Variants in KCNIP4 observed in about 807,000 individuals in gnomAD.
KCNIP4 encodes potassium voltage-gated channel interacting protein 4, also known as Kv channel-interacting protein 4.
Under a neutral mutation model 34.0 loss-of-function variants are expected in KCNIP4, and 12 were observed. That is an observed-to-expected ratio of 0.35 (90% CI 0.23 to 0.57). KCNIP4 has a LOEUF of 0.57. KCNIP4 is among the 20% of genes least tolerant of loss of function. The pLI is 0.83. For synonymous variants in KCNIP4, 124 were observed against 102.2 expected (o/e 1.21, Z -1.29); for missense variants, 238 against 311.7 (o/e 0.76, Z 1.78).
chr4:21,836,112 T>A (rs545932055), intron 1 of KCNIP4, among the ~76,000 whole-genome samples: 1 of 152,324 alleles, frequency 6.6e-6, no homozygotes, highest in South Asian at 2.1e-4. Context: ...ACCCCTAAAT[T>A]ACCTGCAATG....
intron 1 of KCNIP4, among the ~76,000 whole-genome samples, chr4:21,559,386 T>A (rs1406287826): frequency 6.6e-6 from 1 of 152,254 alleles, no homozygotes; most frequent in East Asian, 1.9e-4. Context: ...AGACCCCCCA[T>A]TTGTCAAGCT....
chr4:20,986,427 AT>A, intron 1 of KCNIP4, among the ~76,000 whole-genome samples: 1 of 152,308 alleles, frequency 6.6e-6, no homozygotes, highest in East Asian at 1.9e-4. Flanking sequence ...AGGAAAAAAA[AT>A]ATTTTAGGTA....
At chr4:20,797,018 G>T (rs555852501) in intron 3 of KCNIP4, among the ~76,000 whole-genome samples, 1 of 152,296 alleles carries the variant, frequency 6.6e-6, no homozygotes, top group South Asian at 2.1e-4. Context: ...AACTGACTCT[G>T]TGTTGTGTAA....
intron 3 of KCNIP4, among the ~76,000 whole-genome samples, chr4:20,823,138 T>A (rs1717318581): frequency 6.6e-6 from 1 of 151,982 alleles, no homozygotes; most frequent in African/African-American, 2.4e-5. Flanking sequence ...ACAATAGAAA[T>A]AAATTATGGT....
chr4:20,935,557 C>A (rs973864397), intron 1 of KCNIP4, among the ~76,000 whole-genome samples: 6 of 152,146 alleles, frequency 3.9e-5, no homozygotes, highest in Non-Finnish European at 8.8e-5. Context: ...AAGTTTTCCA[C>A]CCCAATTCTC....
intron 1 of KCNIP4, among the ~76,000 whole-genome samples, chr4:21,534,521 C>T (rs531253455): frequency 2.0e-5 from 3 of 152,108 alleles, no homozygotes; most frequent in Non-Finnish European, 2.9e-5. Flanking sequence ...GTGATAGTGC[C>T]CATATTGAAA....
At chr4:21,532,829 T>G (rs2108981311) in intron 1 of KCNIP4, among the ~76,000 whole-genome samples, 1 of 152,198 alleles carries the variant, frequency 6.6e-6, no homozygotes, top group African/African-American at 2.4e-5. Flanking sequence ...GGATGCATTC[T>G]ACTTAACCTT....
At chr4:21,853,306 T>G (rs1431519734) in intron 1 of KCNIP4, 1 of 152,150 alleles carries the variant, frequency 6.6e-6, no homozygotes, top group Non-Finnish European at 1.5e-5. Context: ...GTCAATCACT[T>G]TCAAAGCAGT....
intron 1 of KCNIP4, among the ~76,000 whole-genome samples, chr4:21,917,285 C>T (rs1728683599): frequency 1.3e-5 from 2 of 152,072 alleles, no homozygotes; most frequent in South Asian, 4.2e-4. Flanking sequence ...CAGGCATACA[C>T]CGCCACACCC....
At chr4:21,730,609 G>A (rs1032351844) in intron 1 of KCNIP4, among the ~76,000 whole-genome samples, 2 of 152,136 alleles carry the variant, frequency 1.3e-5, no homozygotes, top group Non-Finnish European at 2.9e-5. Context: ...TAAGTTTCAT[G>A]AGGGAAAAAA....
At chr4:21,046,351 A>G (rs527715068) in intron 1 of KCNIP4, among the ~76,000 whole-genome samples, 1 of 152,344 alleles carries the variant, frequency 6.6e-6, no homozygotes, top group South Asian at 2.1e-4. Flanking sequence ...TTGAGTCCTT[A>G]GTATTTTGCT....
chr4:21,178,815 C>CTT lies in KCNIP4; in HGVS notation c.62-296108_62-296107dup, dbSNP rs10611485. 9.2e-3 allele frequency among the ~76,000 whole-genome samples: 1,260 copies of CTT among 136,720 alleles called. 22 individuals carry two copies. The highest frequency in any genetic ancestry group is 0.031 in the African/African-American group (1,130 of 36,730). The allele number at this position is 136,720 out of a possible 152,430, so 89.7% of individuals were successfully genotyped here. A position where few individuals can be genotyped will look rare whatever the true frequency, so the allele number is the denominator to read the frequency against. ...TAGTTTTCTGTCTTCTAACACCAAA[C>CTT]TTTTTTTTTTTTTTTTTTTGTTTTG... On this transcript the variant is annotated intron_variant, in intron 1 of 8. Coordinates refer to ENST00000382152, the MANE Select transcript of KCNIP4 (RefSeq NM_025221.6).
At chr4:21,022,357 C>G (rs1489239821) in intron 1 of KCNIP4, among the ~76,000 whole-genome samples, 1 of 152,198 alleles carries the variant, frequency 6.6e-6, no homozygotes, top group East Asian at 1.9e-4. Flanking sequence ...AAACTCAAAC[C>G]CATTCTTTTT....
chr4:20,855,766 T>C (rs564117013), intron 2 of KCNIP4, among the ~76,000 whole-genome samples: 1 of 152,264 alleles, frequency 6.6e-6, no homozygotes, highest in East Asian at 1.9e-4. Flanking sequence ...ACTTTTTATA[T>C]TATAATAACT....
intron 1 of KCNIP4, among the ~76,000 whole-genome samples, chr4:21,286,023 A>C (rs1763101525): frequency 6.6e-6 from 1 of 152,184 alleles, no homozygotes; most frequent in South Asian, 2.1e-4. Flanking sequence ...GAGCACTCAG[A>C]GCCTTTGTTC....
At chr4:21,510,252 T>A (rs1288822498) in intron 1 of KCNIP4, among the ~76,000 whole-genome samples, 1 of 152,194 alleles carries the variant, frequency 6.6e-6, no homozygotes, top group Non-Finnish European at 1.5e-5. Context: ...AGCTTACAGT[T>A]TTCTTTCAAC....
chr4:21,053,770 C>A (rs974769359), intron 1 of KCNIP4, among the ~76,000 whole-genome samples: 1 of 151,912 alleles, frequency 6.6e-6, no homozygotes, highest in Non-Finnish European at 1.5e-5. Flanking sequence ...CATTAGTATC[C>A]AATAAATAAA....
At chr4:21,505,222 A>G (rs1733734121) in intron 1 of KCNIP4, among the ~76,000 whole-genome samples, 1 of 151,640 alleles carries the variant, frequency 6.6e-6, no homozygotes, top group Non-Finnish European at 1.5e-5. Flanking sequence ...AGTTTCATAG[A>G]TTTTTCCCCC....
chr4:21,006,917 T>C (rs2149726002), intron 1 of KCNIP4, among the ~76,000 whole-genome samples: 1 of 152,154 alleles, frequency 6.6e-6, no homozygotes, highest in Middle Eastern at 3.4e-3. Flanking sequence ...CTTGGCAAGG[T>C]CTCACAATAA....
Sources: allele counts gnomAD v4.1 joint callset (sites outside exome capture counted in the v4.1 genomes callset), GRCh38; gene constraint gnomAD v4.1.1; transcripts MANE v1.5; gene names NCBI Gene and HGNC (gene_info 2026-07-23, HGNC 2026-07-21).